Variants in DLGAP2 observed in about 807,000 individuals in gnomAD.
The protein encoded by DLGAP2 is disks large-associated protein 2.
DLGAP2 carries 26 observed loss-of-function variants against 100.3 expected under a neutral mutation model. The observed-to-expected ratio is 0.26, with a 90% confidence interval of 0.19 to 0.36. The LOEUF is 0.36. DLGAP2 is among the 10% of genes least tolerant of loss of function. The probability of loss-of-function intolerance (pLI) is 1.00; values close to 1 mark genes in which losing one functional copy is unlikely to be tolerated. For synonymous variants in DLGAP2, 886 were observed against 630.1 expected (o/e 1.41, Z -6.08); for missense variants, 1,858 against 1,453.2 (o/e 1.28, Z -4.53).
chr8:1,355,203 A>G (rs1291672446), intron 3 of DLGAP2, among the ~76,000 whole-genome samples: 1 of 152,256 alleles, frequency 6.6e-6, no homozygotes, highest in Non-Finnish European at 1.5e-5. Flanking sequence ...CAGTGGTGGC[A>G]CCCGCGTGCT....
chr8:1,670,422 G>C (rs753839441), intron 10 of DLGAP2, among the ~76,000 whole-genome samples: 2 of 152,084 alleles, frequency 1.3e-5, no homozygotes, highest in Admixed American at 1.3e-4. Flanking sequence ...CATCCCCCCA[G>C]CTTCCCCTGC....
chr8:842,560 T>A (rs925922048), intron 1 of DLGAP2, among the ~76,000 whole-genome samples: 1 of 152,232 alleles, frequency 6.6e-6, no homozygotes, highest in Admixed American at 6.5e-5. Context: ...CTCTGGTACA[T>A]GGTCGTTCTT....
At chr8:1,586,236 CGTGGGGA>C (rs1285182937) in intron 6 of DLGAP2, among the ~76,000 whole-genome samples, 2 of 152,204 alleles carry the variant, frequency 1.3e-5, no homozygotes, top group African/African-American at 4.8e-5. Context: ...CGGGGATCTG[CGTGGGGA>C]GTGGTTTTCT....
intron 2 of DLGAP2, among the ~76,000 whole-genome samples, chr8:941,270 G>C (rs1401674346): frequency 6.6e-6 from 1 of 152,088 alleles, no homozygotes; most frequent in African/African-American, 2.4e-5. Flanking sequence ...CTGAGGTTTG[G>C]GCAGTTAGGA....
chr8:1,083,651 C>A (rs1803880263), intron 2 of DLGAP2, among the ~76,000 whole-genome samples: 1 of 152,164 alleles, frequency 6.6e-6, no homozygotes, highest in South Asian at 2.1e-4. Flanking sequence ...GTTGGCTGAG[C>A]TGGGGCAATT....
intron 4 of DLGAP2, among the ~76,000 whole-genome samples, chr8:1,525,657 T>A (rs1004735005): frequency 6.6e-6 from 1 of 152,256 alleles, no homozygotes; most frequent in Admixed American, 6.5e-5. Flanking sequence ...GAGATTCTAA[T>A]GCTGGGAGGT....
intron 1 of DLGAP2, among the ~76,000 whole-genome samples, chr8:816,084 T>C (rs1796471392): frequency 6.6e-6 from 1 of 152,196 alleles, no homozygotes; most frequent in Admixed American, 6.5e-5. Context: ...CCCTTTATTT[T>C]AAGTTTATGT....
chr8:1,481,917 C>A (rs1020289617), intron 3 of DLGAP2, among the ~76,000 whole-genome samples: 3 of 152,216 alleles, frequency 2.0e-5, no homozygotes, highest in African/African-American at 7.2e-5. Context: ...TCCAGCCCGA[C>A]CCGATTATCC....
chr8:1,064,412 G>C (rs1803181312), intron 2 of DLGAP2, among the ~76,000 whole-genome samples: 1 of 152,156 alleles, frequency 6.6e-6, no homozygotes, highest in Non-Finnish European at 1.5e-5. Flanking sequence ...TGGGGATGTT[G>C]TATATTTGAT....
At chr8:1,585,836 C>A (rs759145604) in intron 6 of DLGAP2, among the ~76,000 whole-genome samples, 9 of 152,184 alleles carry the variant, frequency 5.9e-5, no homozygotes, top group African/African-American at 9.7e-5. Context: ...AGCTAACACA[C>A]GTAATTGTGT....
chr8:1,076,420 G>T (rs1457379095), intron 2 of DLGAP2, among the ~76,000 whole-genome samples: 1 of 152,212 alleles, frequency 6.6e-6, no homozygotes, highest in East Asian at 1.9e-4. Flanking sequence ...ACGGTATTTT[G>T]CGGAAAGTCG....
chr8:1,134,505 G>T (rs1463177283), intron 2 of DLGAP2, among the ~76,000 whole-genome samples: 1 of 31,168 alleles, frequency 3.2e-5, no homozygotes, highest in South Asian at 6.7e-4. Flanking sequence ...GTTATTTTTT[G>T]AGTTTTAGTA....
chr8:787,534 G>C (rs1487961953), intron 1 of DLGAP2, among the ~76,000 whole-genome samples: 2 of 152,212 alleles, frequency 1.3e-5, no homozygotes, highest in Non-Finnish European at 1.5e-5. Context: ...ATGTGCAGGG[G>C]GCACTGGCCC....
At position 1,627,007 on chromosome 8, in the gene DLGAP2, G is replaced by T. The variant is rs1478995240; in HGVS notation, c.1590+120G>T. 6.4e-6 allele frequency: 8 copies of T among 1,258,494 alleles called. No homozygotes were observed. In the African/African-American group the frequency reaches 7.5e-5, roughly 12 times the overall value. 78.0% of individuals were successfully genotyped at this position (1,258,494 alleles called of 1,614,324 possible). On this transcript the variant is annotated intron_variant, in intron 7 of 14. Transcript: ENST00000637795. ...TCCTGGTCAGCAGCACTTGGGCAAG[G>T]CTACACCAAAGGGGGTTCCCCTGGA...
chr8:1,527,676 T>C (rs535647184), intron 4 of DLGAP2, among the ~76,000 whole-genome samples: 1 of 152,308 alleles, frequency 6.6e-6, no homozygotes, highest in East Asian at 1.9e-4. Context: ...ATATTCAGAA[T>C]GTAAAACACT....
At chr8:1,340,410 G>T (rs138091246) in intron 3 of DLGAP2, among the ~76,000 whole-genome samples, 5 of 152,122 alleles carry the variant, frequency 3.3e-5, no homozygotes, top group African/African-American at 4.8e-5. Flanking sequence ...ATTAAAAAGC[G>T]GACAAACAAC....
intron 3 of DLGAP2, among the ~76,000 whole-genome samples, chr8:1,296,583 A>C (rs117486396): frequency 3.9e-5 from 6 of 152,154 alleles, no homozygotes; most frequent in African/African-American, 1.4e-4. Flanking sequence ...TATATGAATA[A>C]ATATTTTTCT....
At chr8:1,448,143 C>T (rs547985918) in intron 3 of DLGAP2, among the ~76,000 whole-genome samples, 16 of 152,048 alleles carry the variant, frequency 1.1e-4, no homozygotes, top group Admixed American at 2.0e-4. Context: ...TGAATGTGTT[C>T]GCTCTTGCTT....
rs754829272 is a variant in DLGAP2 at position 1,155,891 on chromosome 8, G to A, written c.74-102960G>A. On this transcript the variant is annotated intron_variant, in intron 2 of 14. Coordinates refer to ENST00000637795, the MANE Select transcript of DLGAP2 (RefSeq NM_001346810.2). ...GAAGGACGCGCTGTCTGCATCCAGC[G>A]GCGGGGGAGGCCAGTATGCAGAGGC... is the stretch of plus-strand genomic sequence containing the variant. 1.2e-3 allele frequency among the ~76,000 whole-genome samples: 178 copies of A among 152,306 alleles called. 8 individuals are homozygous for A. Among genetic ancestry groups the A allele is most frequent in the Non-Finnish European group, 9.4e-4 (64 of 68,018 alleles).
Sources: allele counts gnomAD v4.1 joint callset (sites outside exome capture counted in the v4.1 genomes callset), GRCh38; gene constraint gnomAD v4.1.1; transcripts MANE v1.5; gene names NCBI Gene and HGNC (gene_info 2026-07-23, HGNC 2026-07-21).